Variants in RBFOX3 observed in about 807,000 individuals in gnomAD.
RBFOX3 encodes RNA binding protein fox-1 homolog 3.
A neutral mutation model predicts 48.7 loss-of-function variants in RBFOX3; 17 were observed. The observed-to-expected ratio is 0.35, with a 90% CI of 0.24 to 0.52. The LOEUF (loss-of-function observed/expected upper bound fraction) is 0.52. Ranked by LOEUF, RBFOX3 falls within the 20% of genes least tolerant of loss-of-function variation. The pLI, the probability that RBFOX3 is intolerant of heterozygous loss-of-function variation, is 0.94. For missense variants in RBFOX3, 382 were observed against 497.5 expected (o/e 0.77, Z 2.21); for synonymous variants, 212 against 209.5 (o/e 1.01, Z -0.10).
chr17:79,322,254 A>G (rs2078638434), intron 2 of RBFOX3, among the ~76,000 whole-genome samples: 1 of 90,212 alleles, frequency 1.1e-5, no homozygotes, highest in Non-Finnish European at 2.5e-5. Flanking sequence ...ACCTCAGGAA[A>G]GAAGGGAGAG....
intron 12 of RBFOX3, among the ~76,000 whole-genome samples, chr17:79,096,297 C>T (rs920959642): frequency 3.9e-5 from 6 of 152,164 alleles, no homozygotes; most frequent in African/African-American, 1.2e-4. Context: ...TCTTGCAGCC[C>T]GTGCTGTGGG....
chr17:79,166,496 CG>C (rs2048041878), intron 4 of RBFOX3, among the ~76,000 whole-genome samples: 1 of 151,872 alleles, frequency 6.6e-6, no homozygotes, highest in Admixed American at 6.6e-5. Flanking sequence ...GAGCCACCCA[CG>C]GGGAGCTGAG....
Position 79,097,357 on chromosome 17 carries a change from C to A in RBFOX3, c.690G>T (p.Arg230=). 1 of 1,549,024 alleles carries A rather than the reference C, an allele frequency of 6.5e-7. No homozygotes were observed. Among genetic ancestry groups the A allele is most frequent in the Non-Finnish European group, 8.7e-7 (1 of 1,146,376 alleles). The change falls in exon 11 of 15, where the codon CGG becomes CGT. Residue 230 remains arginine, a synonymous_variant. Transcript: ENST00000693108. ...GAAATGTATTATACACGGCCCGGCC[C>A]CGGCCCCGAAGATGTGCGCCCCGGT... The part of the protein sequence containing the change: ...VAYRGAHLRG[R]GRAVYNTFRA...
intron 9 of RBFOX3, among the ~76,000 whole-genome samples, chr17:79,101,260 A>G (rs1433503343): frequency 2.0e-5 from 3 of 152,154 alleles, no homozygotes; most frequent in Admixed American, 1.3e-4. Context: ...AGTCAGTCCT[A>G]ATCCAGGAAG....
chr17:79,635,059 CAAAAAAAAAAAAAAAAAAAAAAAAA>C, the RBFOX3 span, among the ~76,000 whole-genome samples: 11 of 53,524 alleles, frequency 2.1e-4, no homozygotes, highest in Admixed American at 7.1e-4. Flanking sequence ...GACTCCATCT[CAAAAAAAAAAAAAAAAAAAAAAAAA>C]AAAAAAAAAA....
At chr17:79,332,949 C>T (rs1376635843) in intron 2 of RBFOX3, among the ~76,000 whole-genome samples, 10 of 129,148 alleles carry the variant, frequency 7.7e-5, no homozygotes, top group South Asian at 2.5e-4. Context: ...CACAGAGAAA[C>T]GGGAGGGAAA....
Position 79,096,765 on chromosome 17 carries a change from G to T in RBFOX3, c.824C>A (p.Pro275His). The change falls in exon 12 of 15, where the codon CCT becomes CAT. Residue 275 changes from proline to histidine, a missense_variant. Pro to His is a moderately conservative substitution (Grantham distance 77). This residue lies in a region of RBFOX3 where 215 missense variants were observed against 254.8 expected (regional missense o/e 0.84). Coordinates refer to ENST00000693108, the MANE Select transcript of RBFOX3 (RefSeq NM_001350451.2). ...WAGLAPCPLP[P>H]QQTPEPAYPT... The stretch of plus-strand genomic sequence containing the variant: ...GTAGGCCGGCTCCGGTGTCTGCTGA[G>T]GAGGGAGGGGGCACGGTGCCAGCCC... 2 of 1,369,758 alleles carry T rather than the reference G, an allele frequency of 1.5e-6. No individual in the cohort carries two copies. Among genetic ancestry groups the T allele is most frequent in the Non-Finnish European group, 2.0e-6 (2 of 981,298 alleles). The allele number at this position is 1,369,758 out of a possible 1,614,324, so 84.9% of individuals were successfully genotyped here.
At chr17:79,577,753 C>A (rs1169105580) in intron 1 of RBFOX3, among the ~76,000 whole-genome samples, 5 of 152,202 alleles carry the variant, frequency 3.3e-5, no homozygotes, top group African/African-American at 1.2e-4. Context: ...CCCTGGAAAA[C>A]CCAAAGGAGA....
In RBFOX3 at chr17:79,285,059, G is replaced by C. The variant is rs62061476; in HGVS notation, c.-74+22665C>G. On this transcript the variant is annotated intron_variant, in intron 3 of 14. Transcript: ENST00000693108. The stretch of plus-strand genomic sequence containing the variant: ...AAATGATTCCACTCCCTGTGCCTCA[G>C]TTTTCCATCCACAAAATGGGAGTGG... 4.1e-3 allele frequency among the ~76,000 whole-genome samples: 625 copies of C among 152,318 alleles called. 3 individuals carry two copies. The highest frequency in any genetic ancestry group is 6.7e-3 in the Non-Finnish European group (453 of 68,040).
intron 3 of RBFOX3, among the ~76,000 whole-genome samples, chr17:79,270,700 A>G (rs1439674108): frequency 1.3e-5 from 2 of 152,248 alleles, no homozygotes; most frequent in Non-Finnish European, 2.9e-5. Context: ...GAGGGGAAAG[A>G]GGCAGTTCTG....
At chr17:79,487,329 G>C (rs368404948) in intron 1 of RBFOX3, among the ~76,000 whole-genome samples, 1 of 152,230 alleles carries the variant, frequency 6.6e-6, no homozygotes, top group East Asian at 1.9e-4. Flanking sequence ...TGGCCCCGAC[G>C]ACCTTGGACT....
the RBFOX3 span, among the ~76,000 whole-genome samples, chr17:79,627,302 C>T: frequency 0.29 from 44,749 of 152,110 alleles, 7,437 homozygotes; most frequent in South Asian, 0.37. Context: ...TCCCCCACCC[C>T]CTGGAGTGTC....
chr17:79,157,561 C>T (rs2377305), intron 4 of RBFOX3, among the ~76,000 whole-genome samples: 4,255 of 152,220 alleles, frequency 0.028, 179 homozygotes, highest in African/African-American at 0.096. Flanking sequence ...TATGAGGACC[C>T]GGGGGTGAGG....
chr17:79,475,274 C>G (rs2077568801), intron 2 of RBFOX3, among the ~76,000 whole-genome samples: 1 of 152,162 alleles, frequency 6.6e-6, no homozygotes, highest in Non-Finnish European at 1.5e-5. Context: ...ACTCTTACAG[C>G]TCCAGTCATT....
intron 1 of RBFOX3, among the ~76,000 whole-genome samples, chr17:79,548,422 A>G (rs761444706): frequency 1.1e-4 from 16 of 152,228 alleles, no homozygotes; most frequent in Non-Finnish European, 1.8e-4. Flanking sequence ...GGAGGACAGC[A>G]GCCCCCATCT....
intron 2 of RBFOX3, among the ~76,000 whole-genome samples, chr17:79,476,020 C>T (rs2077689136): frequency 6.6e-6 from 1 of 152,222 alleles, no homozygotes; most frequent in Non-Finnish European, 1.5e-5. Flanking sequence ...GAATTTCCAG[C>T]CCCACTGGCC....
chr17:79,627,504 C>T, the RBFOX3 span, among the ~76,000 whole-genome samples: 2 of 152,222 alleles, frequency 1.3e-5, no homozygotes, highest in African/African-American at 2.4e-5. Context: ...CCCCATAAGC[C>T]CTCAGGCCTG....
At chr17:79,524,181 C>T (rs1190067144) in intron 1 of RBFOX3, among the ~76,000 whole-genome samples, 2 of 152,142 alleles carry the variant, frequency 1.3e-5, no homozygotes, top group African/African-American at 4.8e-5. Context: ...TAATCCTGCT[C>T]CCCATTTGGA....
chr17:79,187,508 G>T (rs2053657708), intron 4 of RBFOX3, among the ~76,000 whole-genome samples: 1 of 152,178 alleles, frequency 6.6e-6, no homozygotes, highest in South Asian at 2.1e-4. Flanking sequence ...CCCCAGCCCT[G>T]GGGTATTTGG....
Sources: allele counts gnomAD v4.1 joint callset (sites outside exome capture counted in the v4.1 genomes callset), GRCh38; gene constraint gnomAD v4.1.1; regional missense constraint gnomAD v4.1.1; transcripts MANE v1.5; gene names NCBI Gene and HGNC (gene_info 2026-07-23, HGNC 2026-07-21).